The following AFG2A variants were observed in gnomAD, a reference collection of about 807,000 sequenced individuals.
AFG2A encodes the protein AAA ATPase AFG2A, also known as ATPase family gene 2 protein homolog A.
chr4:123,123,130 G>A, the AFG2A span, among the ~76,000 whole-genome samples: 57 of 152,222 alleles, frequency 3.7e-4, no homozygotes, highest in East Asian at 6.4e-3. Context: ...ATAAAAATGT[G>A]TTCATATAAG....
the AFG2A span, among the ~76,000 whole-genome samples, chr4:123,021,816 A>G: frequency 3.3e-5 from 5 of 152,208 alleles, no homozygotes; most frequent in African/African-American, 4.8e-5. Flanking sequence ...CCAAAACAGC[A>G]TGGTACTGGT....
At chr4:123,250,743 C>T in the AFG2A span, among the ~76,000 whole-genome samples, 5 of 152,248 alleles carry the variant, frequency 3.3e-5, no homozygotes, top group Admixed American at 2.0e-4. Flanking sequence ...GGACAGACCA[C>T]GATATCCAAC....
At chr4:123,234,178 T>C in the AFG2A span, among the ~76,000 whole-genome samples, 1 of 152,122 alleles carries the variant, frequency 6.6e-6, no homozygotes, top group East Asian at 1.9e-4. Flanking sequence ...AATAATATTT[T>C]AACTTGCTTA....
the AFG2A span, among the ~76,000 whole-genome samples, chr4:123,011,206 A>T: frequency 1.3e-5 from 2 of 152,214 alleles, no homozygotes; most frequent in Admixed American, 1.3e-4. Flanking sequence ...GTTTGCTTAT[A>T]TGAGTTTGCT....
the AFG2A span, among the ~76,000 whole-genome samples, chr4:123,229,960 A>T: frequency 6.6e-6 from 1 of 151,972 alleles, no homozygotes; most frequent in Non-Finnish European, 1.5e-5. Context: ...GTCTAAAAAA[A>T]CAATTTTTTT....
chr4:122,982,343 T>A, the AFG2A span, among the ~76,000 whole-genome samples: 9 of 152,262 alleles, frequency 5.9e-5, no homozygotes, highest in Admixed American at 3.9e-4. Flanking sequence ...ATCCTAGGGA[T>A]GAATCTCATT....
the AFG2A span, among the ~76,000 whole-genome samples, chr4:123,008,018 T>C: frequency 6.6e-6 from 1 of 152,158 alleles, no homozygotes; most frequent in African/African-American, 2.4e-5. Flanking sequence ...AGACATGTCT[T>C]AGTCCATTTA....
At chr4:123,045,569 C>A in the AFG2A span, among the ~76,000 whole-genome samples, 1 of 152,002 alleles carries the variant, frequency 6.6e-6, no homozygotes, top group Non-Finnish European at 1.5e-5. Context: ...TGAAAAATAT[C>A]CTTAAATTGA....
the AFG2A span, among the ~76,000 whole-genome samples, chr4:122,991,401 G>A: frequency 6.6e-6 from 1 of 152,122 alleles, no homozygotes. Flanking sequence ...GGAACAGAAT[G>A]AGCCCCCTTA....
At chr4:123,309,197 G>A in the AFG2A span, among the ~76,000 whole-genome samples, 4 of 152,142 alleles carry the variant, frequency 2.6e-5, no homozygotes, top group Non-Finnish European at 4.4e-5. Flanking sequence ...AACGAGTGTC[G>A]TAGTCCATTC....
the AFG2A span, among the ~76,000 whole-genome samples, chr4:122,955,223 G>A: frequency 1.3e-5 from 2 of 152,214 alleles, no homozygotes; most frequent in African/African-American, 4.8e-5. Context: ...AGCTTATATA[G>A]CACTTTTATT....
the AFG2A span, among the ~76,000 whole-genome samples, chr4:123,237,429 T>C: frequency 1.3e-5 from 2 of 151,664 alleles, no homozygotes; most frequent in African/African-American, 4.8e-5. Flanking sequence ...TCCCAGCACT[T>C]TGGGAGGAGA....
At chr4:122,978,555 T>C in the AFG2A span, among the ~76,000 whole-genome samples, 2 of 152,218 alleles carry the variant, frequency 1.3e-5, no homozygotes, top group Non-Finnish European at 2.9e-5. Flanking sequence ...CCCTCCATGC[T>C]TCAGGCTGTC....
chr4:122,972,932 A>C, the AFG2A span, among the ~76,000 whole-genome samples: 2 of 152,086 alleles, frequency 1.3e-5, no homozygotes, highest in African/African-American at 2.4e-5. Context: ...AATTAGGATA[A>C]GTGAGTTAAC....
the AFG2A span, among the ~76,000 whole-genome samples, chr4:123,217,041 T>C: frequency 6.6e-6 from 1 of 152,214 alleles, no homozygotes; most frequent in Non-Finnish European, 1.5e-5. Flanking sequence ...ACCACTTTTA[T>C]AGTCAGAGAA....
chr4:123,031,373 G>C, the AFG2A span, among the ~76,000 whole-genome samples: 24 of 152,152 alleles, frequency 1.6e-4, 1 homozygote, highest in South Asian at 3.5e-3. Flanking sequence ...GGCTGGTCTC[G>C]AACTCCTGAG....
At chr4:122,990,447 A>G in the AFG2A span, among the ~76,000 whole-genome samples, 1 of 152,262 alleles carries the variant, frequency 6.6e-6, no homozygotes, top group Non-Finnish European at 1.5e-5. Context: ...TAGGCGTTTC[A>G]GTATCCATAG....
chr4:123,223,282 GTGAGTACTGACAT>G, the AFG2A span, among the ~76,000 whole-genome samples: 318 of 152,160 alleles, frequency 2.1e-3, 1 homozygote, highest in African/African-American at 7.4e-3. Context: ...CATTCCCTCA[GTGAGTACTGACAT>G]TGAGTAATTT....
At chr4:123,250,092 A>G in the AFG2A span, among the ~76,000 whole-genome samples, 1 of 152,094 alleles carries the variant, frequency 6.6e-6, no homozygotes, top group Non-Finnish European at 1.5e-5. Context: ...AATGGGAGCC[A>G]ATGGGACCTG....
Sources: gnomAD v4.1 joint callset for allele counts (sites outside exome capture counted in the v4.1 genomes callset) on GRCh38, gnomAD v4.1.1 for gene constraint, MANE v1.5 for transcripts, NCBI Gene and HGNC (gene_info 2026-07-23, HGNC 2026-07-21) for gene names.